The following TXNL1 variants were observed in gnomAD, a reference collection of about 807,000 sequenced individuals.
TXNL1 encodes the protein thioredoxin-like protein 1.
TXNL1 carries 14 observed loss-of-function variants against 35.5 expected under a neutral mutation model. The observed-to-expected ratio is 0.39, with a 90% CI of 0.26 to 0.62. TXNL1 has a LOEUF of 0.62. Ranked by LOEUF, TXNL1 falls within the 20% of genes least tolerant of loss-of-function variation. TXNL1 has a pLI of 0.47. For synonymous variants in TXNL1, 110 were observed against 115.5 expected, an observed-to-expected ratio of 0.95 and a Z score of 0.31; for missense variants, 263 against 349.7, an observed-to-expected ratio of 0.75 and a Z score of 1.98.
chr18:56,638,387 G>A lies in TXNL1; in HGVS notation c.54C>T (p.Ser18=), dbSNP rs762546891. The part of the protein sequence containing the change: ...GSDPDFQPEL[S]GAGSRLAVVK... ...CCACGGCGAGTCTGGAGCCCGCGCC[G>A]CTCAGCTCTGGCTGGAAATCCGGGT... Residue 18 remains serine, a synonymous_variant, in exon 1 of 8, where the codon AGC becomes AGT. Coordinates refer to ENST00000217515, the MANE Select transcript of TXNL1 (RefSeq NM_004786.3). 6.2e-7 allele frequency: 1 copy of A among 1,613,432 alleles called. No homozygotes were observed. Among genetic ancestry groups the A allele is most frequent in the Non-Finnish European group, 8.5e-7 (1 of 1,179,706 alleles).
chr18:56,615,561 AT>A (rs1387516448), intron 5 of TXNL1, among the ~76,000 whole-genome samples: 6 of 152,220 alleles, frequency 3.9e-5, no homozygotes, highest in Admixed American at 6.5e-5. Context: ...ATATAAAAAA[AT>A]GATACTATTA....
chr18:56,618,929 G>C (rs1032858338), intron 3 of TXNL1, among the ~76,000 whole-genome samples: 3 of 152,100 alleles, frequency 2.0e-5, no homozygotes, highest in African/African-American at 7.2e-5. Flanking sequence ...AAAGAAAAAG[G>C]CCTGGTACGA....
intron 6 of TXNL1, among the ~76,000 whole-genome samples, chr18:56,612,740 T>G (rs1433085494): frequency 6.6e-6 from 1 of 152,210 alleles, no homozygotes; most frequent in African/African-American, 2.4e-5. Flanking sequence ...TCGTCAGTTT[T>G]TATTGTTTTC....
At chr18:56,629,159 G>C (rs2024331421) in intron 1 of TXNL1, among the ~76,000 whole-genome samples, 1 of 152,186 alleles carries the variant, frequency 6.6e-6, no homozygotes, top group African/African-American at 2.4e-5. Flanking sequence ...GTATAAGGAA[G>C]TTCAATGTAA....
At chr18:56,634,864 C>T (rs974936438) in intron 1 of TXNL1, among the ~76,000 whole-genome samples, 3 of 152,140 alleles carry the variant, frequency 2.0e-5, no homozygotes, top group Non-Finnish European at 4.4e-5. Flanking sequence ...AAGAAAAAGA[C>T]AACCCAAAGA....
chr18:56,632,485 C>T (rs2024388559), intron 1 of TXNL1, among the ~76,000 whole-genome samples: 1 of 152,108 alleles, frequency 6.6e-6, no homozygotes, highest in African/African-American at 2.4e-5. Flanking sequence ...TAAAAAACAA[C>T]AAATTAGTAA....
chr18:56,638,578 C>T lies in TXNL1; in HGVS notation c.-138G>A. ...AGAGGTGGCGACCGCCGAGTCTTCT[C>T]CCGGGACTCTCAGTGCCGAGTCACG... is the stretch of plus-strand genomic sequence containing the variant. On this transcript the variant is annotated 5_prime_UTR_variant, in exon 1 of 8. Coordinates refer to ENST00000217515, the MANE Select transcript of TXNL1 (RefSeq NM_004786.3). The T allele has an allele frequency of 2.4e-6, 2 of 830,538 alleles. No homozygotes were observed. Among genetic ancestry groups the T allele is most frequent in the South Asian group, 1.9e-5 (1 of 52,744 alleles). 51.4% of individuals were successfully genotyped at this position (830,538 alleles called of 1,614,324 possible).
chr18:56,614,402 A>G (rs755718474), intron 6 of TXNL1, 22 bp downstream of exon 6: 6 of 1,603,454 alleles, frequency 3.7e-6, no homozygotes, highest in Non-Finnish European at 2.6e-6. Flanking sequence ...TATTAAATAC[A>G]TATGAACGAA....
intron 4 of TXNL1, among the ~76,000 whole-genome samples, chr18:56,617,774 C>T (rs1216573948): frequency 1.3e-5 from 2 of 152,008 alleles, no homozygotes; most frequent in African/African-American, 2.4e-5. Context: ...TGGGTCCCAC[C>T]CAAGAGTTCA....
chr18:56,606,622 C>T (rs1291982670), intron 7 of TXNL1, among the ~76,000 whole-genome samples: 1 of 152,186 alleles, frequency 6.6e-6, no homozygotes, highest in Non-Finnish European at 1.5e-5. Context: ...ACAAAGTATT[C>T]TCAGACTTTC....
rs1459134565 is a variant in TXNL1 at position 56,599,013 on chromosome 18, T to TA, written c.*4013dup. The TA allele has an allele frequency of 6.6e-6, 1 of 152,156 alleles. No homozygotes were observed. 9.4% of individuals were successfully genotyped at this position (152,156 alleles called of 1,614,324 possible). On this transcript the variant is annotated 3_prime_UTR_variant, in exon 8 of 8. Transcript: ENST00000217515. ...GTTCAACTTAGAAATAATTCCAAAA[T>TA]AAAATTCCTCTTCCCATAGAGAAGC... is the stretch of plus-strand genomic sequence containing the variant.
rs147041176 is a variant in TXNL1 at position 56,626,391 on chromosome 18, A to C, written c.165T>G (p.Val55=). Residue 55 remains valine, a synonymous_variant, in exon 2 of 8, where the codon GTT becomes GTG. Coordinates refer to ENST00000217515, the MANE Select transcript of TXNL1 (RefSeq NM_004786.3). ...ACTGATGTACATCGACTTCCAAGAA[A>C]ACAGCCTGTGGATATTTATTACTCA... ...SSMSNKYPQA[V]FLEVDVHQCQ... The C allele has an allele frequency of 3.2e-5, 52 of 1,613,874 alleles. No individual in the cohort carries two copies. The highest frequency in any genetic ancestry group is 3.2e-4 in the Admixed American group (19 of 59,978).
At chr18:56,624,030 A>G (rs911651682) in intron 3 of TXNL1, among the ~76,000 whole-genome samples, 1 of 152,214 alleles carries the variant, frequency 6.6e-6, no homozygotes, top group African/African-American at 2.4e-5. Flanking sequence ...ATAGTTCAGA[A>G]AGCAGATTTT....
At position 56,616,377 on chromosome 18, in the gene TXNL1, G is replaced by A; in HGVS notation, c.493-63C>T. ...ACACACCTTGAGTACATAAACTACT[G>A]AAGCAGAATGAAAATAACAGGCAAG... On this transcript the variant is annotated intron_variant, in intron 4 of 7. Transcript: ENST00000217515. 2.2e-6 allele frequency: 3 copies of A among 1,375,126 alleles called. No individual in the cohort carries two copies. The Admixed American group carries it at 6.4e-5, about 30-fold the overall frequency. The allele number at this position is 1,375,126 out of a possible 1,614,324, so 85.2% of individuals were successfully genotyped here. A position where few individuals can be genotyped will look rare whatever the true frequency, so the allele number is the denominator to read the frequency against.
chr18:56,617,977 A>T (rs2024117849), intron 4 of TXNL1, 27 bp downstream of exon 4: 1 of 1,612,732 alleles, frequency 6.2e-7, no homozygotes. Flanking sequence ...GATAATCTCC[A>T]CAAGCTTATC....
chr18:56,632,301 T>C (rs1421591999), intron 1 of TXNL1, among the ~76,000 whole-genome samples: 1 of 151,960 alleles, frequency 6.6e-6, no homozygotes, highest in East Asian at 1.9e-4. Context: ...TTTTTTTTTC[T>C]TTTTTCCTGC....
intron 2 of TXNL1, chr18:56,626,087 G>T: frequency 1.3e-6 from 1 of 767,470 alleles, no homozygotes; most frequent in Non-Finnish European, 1.7e-6. Flanking sequence ...ATAAGGAAAT[G>T]TAATACACAG....
At position 56,601,280 on chromosome 18, in the gene TXNL1, C is replaced by A. The variant is rs2023807332; in HGVS notation, c.*1747G>T. 6.6e-6 allele frequency: 1 copy of A among 152,140 alleles called. No homozygotes were observed. Among genetic ancestry groups the A allele is most frequent in the African/African-American group, 2.4e-5 (1 of 41,438 alleles). The allele number at this position is 152,140 out of a possible 1,614,324, so 9.4% of individuals were successfully genotyped here. A position where few individuals can be genotyped will look rare whatever the true frequency, so the allele number is the denominator to read the frequency against. ...TATTTACAATTTGAATTATGTAATACTTGCATACTGCAACTAATTGTTATA... is the reference window on the plus strand; with the variant it reads ...TATTTACAATTTGAATTATGTAATAATTGCATACTGCAACTAATTGTTATA... On this transcript the variant is annotated 3_prime_UTR_variant, in exon 8 of 8. Transcript: ENST00000217515.
At chr18:56,626,069 T>TA (rs1440756108) in intron 2 of TXNL1, 4 of 571,816 alleles carry the variant, frequency 7.0e-6, no homozygotes, top group Non-Finnish European at 9.4e-6. Context: ...ATTCTAGGTT[T>TA]GCAAAACATA....
Sources: allele counts gnomAD v4.1 joint callset (sites outside exome capture counted in the v4.1 genomes callset), GRCh38; gene constraint gnomAD v4.1.1; transcripts MANE v1.5; gene names NCBI Gene and HGNC (gene_info 2026-07-23, HGNC 2026-07-21).